Variants in CCDC178 observed in about 807,000 individuals in gnomAD.
CCDC178 encodes coiled-coil domain-containing protein 178.
Under a neutral mutation model 117.4 loss-of-function variants are expected in CCDC178, and 126 were observed. The ratio of observed to expected loss-of-function variants is 1.07; its 90% CI spans 0.93 to 1.24. The LOEUF (loss-of-function observed/expected upper bound fraction) is 1.24, where lower values mean the gene tolerates loss of function less well. Ranked by LOEUF, CCDC178 falls within the 50% of genes most tolerant of loss-of-function variation. CCDC178 has a pLI of 0.00. For missense variants in CCDC178, 1,030 were observed against 986.9 expected (o/e 1.04, Z -0.59); for synonymous variants, 283 against 313.4 (o/e 0.90, Z 1.02).
At chr18:33,247,585 A>T (rs1189496950) in intron 14 of CCDC178, among the ~76,000 whole-genome samples, 2 of 151,922 alleles carry the variant, frequency 1.3e-5, no homozygotes, top group Non-Finnish European at 2.9e-5. Flanking sequence ...TGTGTGTGCA[A>T]GCACACACAA....
intron 3 of CCDC178, among the ~76,000 whole-genome samples, chr18:33,410,689 C>T (rs913315123): frequency 3.9e-5 from 6 of 152,130 alleles, no homozygotes; most frequent in African/African-American, 1.4e-4. Flanking sequence ...ATTTTCTCCT[C>T]CCCGTATTCA....
At chr18:33,060,720 C>T (rs567770069) in intron 21 of CCDC178, among the ~76,000 whole-genome samples, 65 of 151,990 alleles carry the variant, frequency 4.3e-4, no homozygotes, top group Middle Eastern at 3.4e-3. Context: ...TTTGTTCATT[C>T]GAAGTCTCTT....
intron 21 of CCDC178, among the ~76,000 whole-genome samples, chr18:33,042,950 C>T (rs1172886065): frequency 6.6e-6 from 1 of 151,808 alleles, no homozygotes; most frequent in Non-Finnish European, 1.5e-5. Flanking sequence ...TGTAGGACAA[C>T]TGAGCATTGG....
intron 5 of CCDC178, among the ~76,000 whole-genome samples, chr18:33,387,614 G>T (rs1436724823): frequency 2.6e-5 from 4 of 152,110 alleles, no homozygotes; most frequent in Admixed American, 1.3e-4. Context: ...ATGGGGAAAC[G>T]ATTACCTATT....
intron 18 of CCDC178, among the ~76,000 whole-genome samples, chr18:33,220,823 G>T (rs2059223994): frequency 6.6e-6 from 1 of 152,050 alleles, no homozygotes; most frequent in Admixed American, 6.6e-5. Context: ...TTTCTTTTCT[G>T]CTCTGAATTG....
intron 12 of CCDC178, among the ~76,000 whole-genome samples, chr18:33,291,913 C>A (rs2060169938): frequency 6.6e-6 from 1 of 151,750 alleles, no homozygotes; most frequent in South Asian, 2.1e-4. Context: ...CAAAAAATAA[C>A]AAATGCTGTT....
chr18:33,117,221 A>G (rs1359201952), intron 20 of CCDC178, among the ~76,000 whole-genome samples: 3 of 152,168 alleles, frequency 2.0e-5, no homozygotes, highest in Admixed American at 2.0e-4. Flanking sequence ...GATTTTAGAA[A>G]TCAAGTGGGT....
chr18:33,035,993 G>A (rs2056437085), intron 21 of CCDC178, among the ~76,000 whole-genome samples: 1 of 151,798 alleles, frequency 6.6e-6, no homozygotes, highest in Admixed American at 6.6e-5. Flanking sequence ...GATTTCAAAA[G>A]TTTTTACATT....
chr18:33,293,968 AAAAAGATG>A (rs1271387432), intron 11 of CCDC178, among the ~76,000 whole-genome samples: 1 of 152,190 alleles, frequency 6.6e-6, no homozygotes, highest in Non-Finnish European at 1.5e-5. Flanking sequence ...GGTAAGGAAA[AAAAAGATG>A]AAAAAAGAAG....
chr18:33,002,494 A>G (rs918895157), intron 21 of CCDC178, among the ~76,000 whole-genome samples: 8 of 152,052 alleles, frequency 5.3e-5, no homozygotes, highest in Non-Finnish European at 1.0e-4. Context: ...CAAATAATAA[A>G]GGAAATACAA....
chr18:33,027,082 T>C (rs1333587326), intron 21 of CCDC178, among the ~76,000 whole-genome samples: 1 of 151,856 alleles, frequency 6.6e-6, no homozygotes, highest in Non-Finnish European at 1.5e-5. Context: ...GCAAAACTTA[T>C]ACAAAACGCA....
intron 7 of CCDC178, among the ~76,000 whole-genome samples, chr18:33,353,787 C>T (rs1385530201): frequency 6.6e-6 from 1 of 151,926 alleles, no homozygotes; most frequent in Non-Finnish European, 1.5e-5. Flanking sequence ...ATCCATTTGA[C>T]CTTATAATCA....
chr18:33,430,815 G>A (rs761659361), intron 2 of CCDC178, among the ~76,000 whole-genome samples: 1 of 152,180 alleles, frequency 6.6e-6, no homozygotes, highest in African/African-American at 2.4e-5. Flanking sequence ...GCTCATGCCT[G>A]TAATCCCAGC....
intron 9 of CCDC178, 41 bp downstream of exon 9, chr18:33,346,170 C>T: frequency 7.0e-7 from 1 of 1,423,656 alleles, no homozygotes; most frequent in Non-Finnish European, 9.8e-7. Flanking sequence ...TATCTGTGCC[C>T]CCAACAGAAT....
intron 12 of CCDC178, among the ~76,000 whole-genome samples, chr18:33,277,236 T>A (rs79888422): frequency 2.5e-4 from 38 of 152,170 alleles, no homozygotes; most frequent in Non-Finnish European, 5.0e-4. Flanking sequence ...ATAAATAATT[T>A]TAAAAATTAG....
intron 3 of CCDC178, among the ~76,000 whole-genome samples, chr18:33,408,060 A>G (rs2063805182): frequency 6.6e-6 from 1 of 151,982 alleles, no homozygotes; most frequent in South Asian, 2.1e-4. Flanking sequence ...AAAATTTAAA[A>G]AGTTGTTTGT....
chr18:33,400,115 T>TTTGG (rs2063691523), intron 3 of CCDC178, among the ~76,000 whole-genome samples: 1 of 149,482 alleles, frequency 6.7e-6, no homozygotes. Flanking sequence ...TTTTTTTTTT[T>TTTGG]GAGCAGTAGG....
chr18:33,055,609 T>C (rs1344656869), intron 21 of CCDC178, among the ~76,000 whole-genome samples: 1 of 152,058 alleles, frequency 6.6e-6, no homozygotes, highest in Non-Finnish European at 1.5e-5. Context: ...GATTACAGGT[T>C]TGAGCCACCA....
In CCDC178 at chr18:32,951,290, C is replaced by T. The variant is rs113865815; in HGVS notation, c.2524-13199G>A. ...TTAATAGTTTAACTTGTATTCGTTC[C>T]TTCTCATGCTGCTGTGAAGAAATAC... is the stretch of plus-strand genomic sequence containing the variant. On this transcript the variant is annotated intron_variant, in intron 22 of 22. Transcript: ENST00000383096. Among the ~76,000 whole-genome samples the T allele has an allele frequency of 2.3e-3, 353 of 152,176 alleles. 1 individual carries two copies. The highest frequency in any genetic ancestry group is 7.2e-3 in the African/African-American group (298 of 41,516).
Sources: allele counts gnomAD v4.1 joint callset (sites outside exome capture counted in the v4.1 genomes callset), GRCh38; gene constraint gnomAD v4.1.1; transcripts MANE v1.5; gene names NCBI Gene and HGNC (gene_info 2026-07-23, HGNC 2026-07-21).